Variants in CCAR1 observed in about 807,000 individuals in gnomAD.
CCAR1 encodes the protein cell division cycle and apoptosis regulator protein 1.
In CCAR1, 78 loss-of-function variants were observed where a neutral mutation model predicts 163.8. The ratio of observed to expected loss-of-function variants is 0.48; its 90% confidence interval spans 0.40 to 0.57. The LOEUF is 0.57. Among genes scored for constraint, CCAR1 ranks in the 20% least tolerant of loss-of-function variants. The pLI is 0.00. For missense variants in CCAR1, 1,019 were observed against 1,365.2 expected (o/e 0.75, Z 4.00); for synonymous variants, 443 against 460.7 (o/e 0.96, Z 0.49).
At chr10:68,736,794 A>C in intron 2 of CCAR1, 82 bp from the exon 3 acceptor site, 554 of 1,067,852 alleles carry the variant, frequency 5.2e-4, no homozygotes, top group Non-Finnish European at 7.0e-4. Context: ...GGGTGCGGGT[A>C]TCTCTTCTAT....
At position 68,771,462 on chromosome 10, in the gene CCAR1, T is replaced by TTTAGAA. The variant is rs2056601412; in HGVS notation, c.2538+17_2538+18insTTAGAA. 6.4e-7 allele frequency: 1 copy of TTTAGAA among 1,553,510 alleles called. No individual in the cohort carries two copies. Among genetic ancestry groups the TTTAGAA allele is most frequent in the African/African-American group, 1.4e-5 (1 of 72,174 alleles). Reference sequence around the variant, plus strand: ...GAAAGGAAGGTCTGTAATAACAACCTGCTTTAGAAGCTTTCAGTTACTCTT... The same window carrying TTTAGAA: ...GAAAGGAAGGTCTGTAATAACAACCTTTAGAAGCTTTAGAAGCTTTCAGTTACTCTT... On this transcript the variant is annotated intron_variant, in intron 18 of 24. Transcript: ENST00000265872.
intron 2 of CCAR1, among the ~76,000 whole-genome samples, chr10:68,722,936 A>C (rs61868148): frequency 0.099 from 15,040 of 151,818 alleles, 920 homozygotes; most frequent in South Asian, 0.15. Flanking sequence ...AAACAAAACA[A>C]AACAACATGA....
intron 19 of CCAR1, among the ~76,000 whole-genome samples, chr10:68,779,733 C>T (rs2056712199): frequency 6.6e-6 from 1 of 152,118 alleles, no homozygotes; most frequent in Admixed American, 6.6e-5. Flanking sequence ...AAAATATCAA[C>T]ATGAGTGATC....
chr10:68,762,485 A>G (rs1015596796), intron 16 of CCAR1, among the ~76,000 whole-genome samples: 3 of 152,216 alleles, frequency 2.0e-5, no homozygotes, highest in Admixed American at 6.5e-5. Flanking sequence ...TATTTATTCA[A>G]GCTGTTTTAT....
intron 1 of CCAR1, 54 bp downstream of exon 1, chr10:68,721,336 A>G (rs2055851824): frequency 7.9e-6 from 2 of 251,938 alleles, no homozygotes; most frequent in Non-Finnish European, 8.1e-6. Flanking sequence ...CGGGTCTCTT[A>G]ACATCTTGTC....
chr10:68,788,190 G>A lies in CCAR1; in HGVS notation c.3049G>A (p.Asp1017Asn). The A allele has an allele frequency of 1.9e-6, 3 of 1,594,672 alleles. No homozygotes were observed. Among genetic ancestry groups the A allele is most frequent in the South Asian group, 1.2e-5 (1 of 86,192 alleles). ...ACCAACAGTAAAGCAGGAATCAAAG[G>A]ATGTGGAAGAAAATGTTGGCCTCAT... is the stretch of plus-strand genomic sequence containing the variant. Reference protein sequence around the residue: ...PTPTVKQESKDVEENVGLIVY... With the variant: ...PTPTVKQESKNVEENVGLIVY... The change falls in exon 23 of 25, where the codon GAT (aspartate) becomes AAT (asparagine). Residue 1017 changes from aspartate to asparagine, a missense_variant. Asp to Asn is a conservative substitution (Grantham distance 23, BLOSUM62 1). Around this residue, in one of 4 missense-constraint regions of CCAR1, gnomAD observed 358 missense variants for 406.4 expected, o/e 0.88. Transcript: ENST00000265872.
intron 19 of CCAR1, among the ~76,000 whole-genome samples, chr10:68,776,686 G>A (rs1035021292): frequency 6.6e-6 from 1 of 152,316 alleles, no homozygotes; most frequent in Non-Finnish European, 1.5e-5. Flanking sequence ...CTGAGTGGCT[G>A]GGACTACAGG....
At position 68,786,555 on chromosome 10, in the gene CCAR1, A is replaced by G; in HGVS notation, c.2743A>G (p.Lys915Glu). Residue 915 changes from lysine (K) to glutamate (E), a missense_variant, in exon 21 of 25, where the codon AAG becomes GAG. By Grantham distance (56) the Lys-to-Glu change is moderately conservative. Transcript: ENST00000265872. Reference protein sequence around the residue: ...ERPSKDKEKEKTQMITINRDL... With the variant: ...ERPSKDKEKEETQMITINRDL... The stretch of plus-strand genomic sequence containing the variant: ...TTCTCCATTTTCTTAGGAAAAAGAA[A>G]AGACTCAAATGATCACAATTAACAG... 1 of 1,557,866 alleles carries G rather than the reference A, an allele frequency of 6.4e-7. No homozygotes were observed. The highest frequency in any genetic ancestry group is 8.6e-7 in the Non-Finnish European group (1 of 1,157,508).
At chr10:68,755,307 G>A (rs2056384628) in intron 12 of CCAR1, 63 bp from the exon 13 acceptor site, 4 of 1,406,242 alleles carry the variant, frequency 2.8e-6, no homozygotes, top group Non-Finnish European at 4.0e-6. Flanking sequence ...TCCTTCTCAA[G>A]TATCTTATTG....
Position 68,747,255 on chromosome 10 carries a change from A to G in CCAR1, c.613A>G (p.Ile205Val). 6.2e-7 allele frequency: 1 copy of G among 1,608,108 alleles called. No individual in the cohort carries two copies. The highest frequency in any genetic ancestry group is 8.5e-7 in the Non-Finnish European group (1 of 1,176,164). ...GCCTTTTAAATGGAATGCACAGAGA[A>G]TTCAAACACTACCAAATCAGGTACA... Reference protein sequence around the residue: ...NMPFKWNAQRIQTLPNQNQSQ... With the variant: ...NMPFKWNAQRVQTLPNQNQSQ... The change falls in exon 7 of 25, where the codon ATT becomes GTT. Residue 205 changes from isoleucine (I) to valine (V), a missense_variant. Around this residue, in one of 4 missense-constraint regions of CCAR1, gnomAD observed 644 missense variants for 904.4 expected, o/e 0.71. Transcript: ENST00000265872.
At chr10:68,733,031 C>A (rs981306693) in intron 2 of CCAR1, among the ~76,000 whole-genome samples, 1 of 152,182 alleles carries the variant, frequency 6.6e-6, no homozygotes, top group Non-Finnish European at 1.5e-5. Context: ...AAGATATTCC[C>A]CACGTCTATT....
rs754664726 is a variant in CCAR1 at position 68,722,461 on chromosome 10, G to A, written c.-44G>A. ...TGGATCCTTTTCTTGATAGATCGAT[G>A]CTATAGAAGACAAACAAGGGAAGGT... is the stretch of plus-strand genomic sequence containing the variant. On this transcript the variant is annotated 5_prime_UTR_variant, in exon 2 of 25. It removes an upstream start codon present in the reference 5' UTR. Transcript: ENST00000265872. 38 of 1,460,266 alleles carry A rather than the reference G, an allele frequency of 2.6e-5. No individual in the cohort carries two copies. The East Asian group carries it at 8.4e-4, about 32-fold the overall frequency. 90.5% of individuals were successfully genotyped at this position (1,460,266 alleles called of 1,614,324 possible).
At chr10:68,750,760 T>C (rs968783561) in intron 10 of CCAR1, among the ~76,000 whole-genome samples, 2 of 152,168 alleles carry the variant, frequency 1.3e-5, no homozygotes, top group Admixed American at 1.3e-4. Context: ...CAGGGCTGTT[T>C]AGCCTAAAAG....
intron 17 of CCAR1, among the ~76,000 whole-genome samples, chr10:68,769,696 C>T (rs372616040): frequency 1.3e-5 from 2 of 151,768 alleles, no homozygotes; most frequent in African/African-American, 4.8e-5. Context: ...AATCCTAGCA[C>T]TTTGAGAGGC....
At chr10:68,746,701 CTGAG>C (rs773266132) in intron 6 of CCAR1, among the ~76,000 whole-genome samples, 2 of 152,130 alleles carry the variant, frequency 1.3e-5, no homozygotes, top group South Asian at 2.1e-4. Context: ...CCTCAGCCTC[CTGAG>C]TATTTGGGAT....
At chr10:68,732,164 T>C (rs973338122) in intron 2 of CCAR1, among the ~76,000 whole-genome samples, 1 of 152,144 alleles carries the variant, frequency 6.6e-6, no homozygotes, top group Non-Finnish European at 1.5e-5. Context: ...TGGATGAAAG[T>C]GATGTCATGA....
chr10:68,746,392 G>T (rs1266473166), intron 6 of CCAR1, among the ~76,000 whole-genome samples: 7 of 151,970 alleles, frequency 4.6e-5, no homozygotes, highest in South Asian at 2.1e-4. Context: ...TTCGCACCCG[G>T]CTAATTTTTG....
chr10:68,789,640 T>G, intron 23 of CCAR1, 70 bp from the exon 24 acceptor site: 1 of 896,448 alleles, frequency 1.1e-6, no homozygotes, highest in Non-Finnish European at 1.7e-6. Flanking sequence ...ACAGCTTAAA[T>G]ATTTTAACCT....
intron 2 of CCAR1, among the ~76,000 whole-genome samples, chr10:68,729,914 A>T (rs575444021): frequency 2.3e-5 from 2 of 86,526 alleles, no homozygotes; most frequent in South Asian, 1.1e-3. Context: ...TTTCAGAAAG[A>T]TGACTCACTT....
Sources: gnomAD v4.1 joint callset for allele counts (sites outside exome capture counted in the v4.1 genomes callset) on GRCh38, gnomAD v4.1.1 for gene constraint, gnomAD v4.1.1 regional missense constraint, MANE v1.5 for transcripts, NCBI Gene and HGNC (gene_info 2026-07-23, HGNC 2026-07-21) for gene names.